FIP1L1: variants seen among roughly 807,000 people sequenced by gnomAD.
FIP1L1 encodes factor interacting with PAPOLA and CPSF1.
Under a neutral mutation model 84.6 loss-of-function variants are expected in FIP1L1, and 21 were observed. That is an observed-to-expected ratio of 0.25 (90% CI 0.18 to 0.36). FIP1L1 has a LOEUF of 0.36. Among genes scored for constraint, FIP1L1 ranks in the 10% least tolerant of loss-of-function variants. The pLI is 1.00. For synonymous variants in FIP1L1, 263 were observed against 242.3 expected (o/e 1.09, Z -0.80); for missense variants, 526 against 751.1 (o/e 0.70, Z 3.50).
chr4:53,410,115 T>A (rs896044294), intron 10 of FIP1L1, among the ~76,000 whole-genome samples: 2 of 152,188 alleles, frequency 1.3e-5, no homozygotes, highest in Non-Finnish European at 2.9e-5. Context: ...CCGGAGTTGT[T>A]CCTATTTGGC....
At chr4:53,394,589 C>T (rs1432006735) in intron 9 of FIP1L1, among the ~76,000 whole-genome samples, 1 of 152,040 alleles carries the variant, frequency 6.6e-6, no homozygotes, top group Non-Finnish European at 1.5e-5. Flanking sequence ...TAATCATTGT[C>T]TTTGCTTTCT....
At chr4:53,420,213 A>AAAAAAAAC (rs750967561) in intron 11 of FIP1L1, among the ~76,000 whole-genome samples, 7,115 of 133,754 alleles carry the variant, frequency 0.053, 619 homozygotes, top group South Asian at 0.21. Flanking sequence ...AAAAAAAAAA[A>AAAAAAAAC]AAAAAAAAAA....
rs1278667261 is a variant in FIP1L1 at position 53,443,871 on chromosome 4, AT to A, written c.1230-171del. Among the ~76,000 whole-genome samples, 4 of 152,138 alleles carry A rather than the reference AT, an allele frequency of 2.6e-5. No individual in the cohort carries two copies. The East Asian group carries it at 7.7e-4, about 29-fold the overall frequency. On this transcript the variant is annotated intron_variant, in intron 14 of 17. Transcript: ENST00000337488. ...TTTCTGTAAAATTAGGTATTTTAAT[AT>A]TTTTTAGGTTAAAAAAAACCCCATG...
At chr4:53,450,963 C>CT (rs869294352) in intron 15 of FIP1L1, among the ~76,000 whole-genome samples, 1,480 of 138,138 alleles carry the variant, frequency 0.011, 15 homozygotes, top group East Asian at 0.029. Context: ...TAAAGCTACT[C>CT]TTTTTTTTTT....
intron 13 of FIP1L1, among the ~76,000 whole-genome samples, chr4:53,437,553 A>G (rs780572589): frequency 2.6e-5 from 4 of 151,938 alleles, no homozygotes; most frequent in African/African-American, 7.2e-5. Context: ...GTCCTGGGCC[A>G]GCAACATCAT....
intron 13 of FIP1L1, among the ~76,000 whole-genome samples, chr4:53,437,634 A>G (rs1395204861): frequency 1.3e-5 from 2 of 151,760 alleles, no homozygotes; most frequent in African/African-American, 2.4e-5. Context: ...TTCTAGGGGA[A>G]GGGCCCAGCA....
intron 11 of FIP1L1, among the ~76,000 whole-genome samples, chr4:53,421,685 T>G (rs545012496): frequency 6.6e-6 from 1 of 152,358 alleles, no homozygotes; most frequent in African/African-American, 2.4e-5. Flanking sequence ...GAAGCCCTTC[T>G]GTGAGAAAAC....
At chr4:53,405,620 T>C (rs1301356707) in intron 10 of FIP1L1, among the ~76,000 whole-genome samples, 2 of 146,560 alleles carry the variant, frequency 1.4e-5, no homozygotes, top group Non-Finnish European at 3.0e-5. Flanking sequence ...TTTCACGATA[T>C]TGATTCTTCC....
chr4:53,451,743 T>TA (rs951051893), intron 15 of FIP1L1, among the ~76,000 whole-genome samples: 7 of 151,954 alleles, frequency 4.6e-5, no homozygotes, highest in East Asian at 1.9e-4. Context: ...TCTTCTTTTT[T>TA]AAAAAAAACT....
At chr4:53,416,486 A>G (rs1329644524) in intron 11 of FIP1L1, among the ~76,000 whole-genome samples, 3 of 151,914 alleles carry the variant, frequency 2.0e-5, no homozygotes, top group Admixed American at 2.0e-4. Flanking sequence ...CAAACCTGAA[A>G]CTCTTTATTT....
At chr4:53,432,398 CAAAAAAAAAAAAAA>C (rs35596754) in intron 13 of FIP1L1, among the ~76,000 whole-genome samples, 8 of 68,404 alleles carry the variant, frequency 1.2e-4, no homozygotes, top group Admixed American at 2.1e-4. Flanking sequence ...AACTCCATCT[CAAAAAAAAAAAAAA>C]AAAAAAAAAA....
At chr4:53,411,335 A>G (rs1457869666) in intron 10 of FIP1L1, among the ~76,000 whole-genome samples, 1 of 152,180 alleles carries the variant, frequency 6.6e-6, no homozygotes, top group Non-Finnish European at 1.5e-5. Flanking sequence ...TACCACTGCT[A>G]CCTATAAAAG....
chr4:53,387,102 T>C (rs1031817760), intron 5 of FIP1L1, among the ~76,000 whole-genome samples: 2 of 152,148 alleles, frequency 1.3e-5, no homozygotes, highest in Admixed American at 6.5e-5. Flanking sequence ...CCAGGTGAGA[T>C]GATAATCTAG....
At chr4:53,436,123 T>C (rs1227458622) in intron 13 of FIP1L1, among the ~76,000 whole-genome samples, 1 of 152,202 alleles carries the variant, frequency 6.6e-6, no homozygotes, top group Non-Finnish European at 1.5e-5. Flanking sequence ...TGAATTTGAA[T>C]AGAGAAAAGA....
chr4:53,378,946 C>A, intron 1 of FIP1L1, 127 bp from the exon 2 acceptor site: 1 of 901,324 alleles, frequency 1.1e-6, no homozygotes, highest in East Asian at 2.6e-5. Context: ...TTACAAAGAT[C>A]TGGAAATCTT....
chr4:53,414,649 G>C lies in FIP1L1; in HGVS notation c.850G>C (p.Ala284Pro). 6.2e-7 allele frequency: 1 copy of C among 1,613,234 alleles called. No homozygotes were observed. Among genetic ancestry groups the C allele is most frequent in the Non-Finnish European group, 8.5e-7 (1 of 1,179,462 alleles). The change falls in exon 11 of 18, where the codon GCC becomes CCC. Residue 284 changes from alanine to proline, a missense_variant. Physicochemically the swap from Ala to Pro is conservative, Grantham distance 27. Transcript: ENST00000337488. Reference protein sequence around the residue: ...STSSQSQTSTASRKANSSVGK... With the variant: ...STSSQSQTSTPSRKANSSVGK... Reference sequence around the variant, plus strand: ...TTCTTCTCAGTCTCAGACAAGTACTGCCTCCAGAAAAGCCAATTCAAGCGT... The same window carrying C: ...TTCTTCTCAGTCTCAGACAAGTACTCCCTCCAGAAAAGCCAATTCAAGCGT...
At chr4:53,432,066 T>G (rs1400519494) in intron 13 of FIP1L1, among the ~76,000 whole-genome samples, 4 of 152,088 alleles carry the variant, frequency 2.6e-5, no homozygotes, top group African/African-American at 9.7e-5. Flanking sequence ...AAAGCATTTA[T>G]CGTGGTTCCC....
intron 4 of FIP1L1, among the ~76,000 whole-genome samples, 180 bp downstream of exon 4, chr4:53,382,515 A>G (rs763179166): frequency 1.4e-4 from 22 of 152,244 alleles, no homozygotes; most frequent in Non-Finnish European, 2.4e-4. Flanking sequence ...TAAAATGAGG[A>G]AAAGAAATAG....
At chr4:53,397,714 T>C (rs1748137338) in intron 9 of FIP1L1, among the ~76,000 whole-genome samples, 1 of 152,234 alleles carries the variant, frequency 6.6e-6, no homozygotes, top group African/African-American at 2.4e-5. Context: ...GGAGGGTTAC[T>C]GATCGCAGAT....
Sources: allele counts gnomAD v4.1 joint callset (sites outside exome capture counted in the v4.1 genomes callset), GRCh38; gene constraint gnomAD v4.1.1; transcripts MANE v1.5; gene names NCBI Gene and HGNC (gene_info 2026-07-23, HGNC 2026-07-21).